CAMK1D: variants seen among roughly 807,000 people sequenced by gnomAD.
The protein encoded by CAMK1D is calcium/calmodulin dependent protein kinase ID.
Under a neutral mutation model 47.7 loss-of-function variants are expected in CAMK1D, and 9 were observed. That is an observed-to-expected ratio of 0.19 (90% CI 0.11 to 0.33). The LOEUF (loss-of-function observed/expected upper bound fraction) is 0.33. Ranked by LOEUF, CAMK1D falls within the 10% of genes least tolerant of loss-of-function variation. The pLI, the probability that CAMK1D is intolerant of heterozygous loss-of-function variation, is 1.00. For missense variants in CAMK1D, 291 were observed against 488.7 expected (o/e 0.60, Z 3.81); for synonymous variants, 184 against 184.9 (o/e 0.99, Z 0.04).
chr10:12,657,858 G>C (rs1018647641), intron 2 of CAMK1D, among the ~76,000 whole-genome samples: 2 of 152,128 alleles, frequency 1.3e-5, no homozygotes, highest in Non-Finnish European at 2.9e-5. Flanking sequence ...GGTGATCCAA[G>C]AACTGGGGTG....
chr10:12,363,464 A>G (rs1196020225), intron 1 of CAMK1D, among the ~76,000 whole-genome samples: 1 of 152,074 alleles, frequency 6.6e-6, no homozygotes, highest in African/African-American at 2.4e-5. Flanking sequence ...CACGTTGGCC[A>G]GGCTGGTCTC....
chr10:12,813,067 C>T (rs2131076068), intron 6 of CAMK1D, among the ~76,000 whole-genome samples: 1 of 152,262 alleles, frequency 6.6e-6, no homozygotes, highest in African/African-American at 2.4e-5. Flanking sequence ...TTTCCACTCC[C>T]ATTGTGTGTG....
intron 5 of CAMK1D, among the ~76,000 whole-genome samples, chr10:12,772,642 G>C (rs532832840): frequency 2.0e-5 from 3 of 152,218 alleles, no homozygotes; most frequent in African/African-American, 7.2e-5. Flanking sequence ...TGGCACTGAC[G>C]TGTCGGGAAT....
chr10:12,615,483 GGTGTGTGC>G (rs749577360), intron 2 of CAMK1D, among the ~76,000 whole-genome samples: 4 of 150,416 alleles, frequency 2.7e-5, no homozygotes, highest in Non-Finnish European at 4.4e-5. Flanking sequence ...CACGTGTGTA[GGTGTGTGC>G]ATGTGTACAT....
intron 3 of CAMK1D, among the ~76,000 whole-genome samples, chr10:12,689,543 G>A (rs892223005): frequency 1.3e-5 from 2 of 152,104 alleles, no homozygotes; most frequent in Admixed American, 1.3e-4. Flanking sequence ...TTGGGAGGCC[G>A]AGGCGGGCGG....
chr10:12,733,608 T>C (rs1834995368), intron 3 of CAMK1D, among the ~76,000 whole-genome samples: 1 of 152,212 alleles, frequency 6.6e-6, no homozygotes, highest in Non-Finnish European at 1.5e-5. Flanking sequence ...AGAAGAATTA[T>C]ATCACCAGGT....
chr10:12,408,148 G>A lies in CAMK1D; in HGVS notation c.92+58238G>A, dbSNP rs944741939. Among the ~76,000 whole-genome samples, 26 of 151,266 alleles carry A rather than the reference G, an allele frequency of 1.7e-4. 1 individual carries two copies. Among genetic ancestry groups the A allele is most frequent in the Admixed American group, 1.5e-3 (22 of 15,162 alleles). ...GCTGGGATTACAGGCATAAGCCACC[G>A]CGCCTGGCCTCTTTCATTTTCTTTT... On this transcript the variant is annotated intron_variant, in intron 1 of 10. Coordinates refer to ENST00000619168, the MANE Select transcript of CAMK1D (RefSeq NM_153498.4).
At chr10:12,632,546 T>C (rs746344142) in intron 2 of CAMK1D, among the ~76,000 whole-genome samples, 1 of 152,196 alleles carries the variant, frequency 6.6e-6, no homozygotes, top group Non-Finnish European at 1.5e-5. Flanking sequence ...TGTTTTCTCC[T>C]ATATATATTT....
chr10:12,644,693 G>A (rs1235072147), intron 2 of CAMK1D, among the ~76,000 whole-genome samples: 1 of 152,182 alleles, frequency 6.6e-6, no homozygotes, highest in Non-Finnish European at 1.5e-5. Context: ...GGGGCTTCTA[G>A]CCTTTTCTAC....
intron 2 of CAMK1D, among the ~76,000 whole-genome samples, chr10:12,599,215 A>G (rs1488678913): frequency 2.0e-5 from 3 of 152,258 alleles, no homozygotes; most frequent in Non-Finnish European, 4.4e-5. Flanking sequence ...GAGTTGTAAA[A>G]AATTATGGTG....
intron 3 of CAMK1D, among the ~76,000 whole-genome samples, chr10:12,757,502 C>A (rs963499623): frequency 1.3e-5 from 2 of 152,182 alleles, no homozygotes; most frequent in Non-Finnish European, 2.9e-5. Context: ...CCAACCTAAG[C>A]ATGGTCTGCA....
chr10:12,367,734 AG>A (rs1362745589), intron 1 of CAMK1D, among the ~76,000 whole-genome samples: 7 of 152,014 alleles, frequency 4.6e-5, no homozygotes, highest in African/African-American at 1.7e-4. Flanking sequence ...ACTGAACGGG[AG>A]GTGGAGCTCA....
intron 1 of CAMK1D, among the ~76,000 whole-genome samples, chr10:12,457,488 T>C (rs905995675): frequency 6.6e-6 from 1 of 151,818 alleles, no homozygotes; most frequent in African/African-American, 2.4e-5. Context: ...TGCTGCTCTT[T>C]GTATAAGAAA....
intron 1 of CAMK1D, among the ~76,000 whole-genome samples, chr10:12,420,840 G>A (rs182526972): frequency 4.7e-4 from 72 of 152,290 alleles, no homozygotes; most frequent in African/African-American, 1.7e-3. Context: ...CTGGGCTCAC[G>A]TTGGTATCTG....
chr10:12,611,341 C>T (rs554876302), intron 2 of CAMK1D, among the ~76,000 whole-genome samples: 6 of 152,140 alleles, frequency 3.9e-5, no homozygotes, highest in Non-Finnish European at 8.8e-5. Flanking sequence ...CCTCGAAGTG[C>T]CCCCTTCCGT....
At chr10:12,797,359 A>T (rs1303673736) in intron 6 of CAMK1D, among the ~76,000 whole-genome samples, 1 of 152,030 alleles carries the variant, frequency 6.6e-6, no homozygotes, top group East Asian at 1.9e-4. Context: ...CACTATGCCC[A>T]GCTAATTAAA....
At chr10:12,652,530 G>T (rs1387997719) in intron 2 of CAMK1D, among the ~76,000 whole-genome samples, 1 of 151,860 alleles carries the variant, frequency 6.6e-6, no homozygotes, top group East Asian at 1.9e-4. Flanking sequence ...GGAGCTTGCA[G>T]TGAGCAGAGA....
chr10:12,497,232 A>G (rs1834567004), intron 1 of CAMK1D, among the ~76,000 whole-genome samples: 2 of 152,180 alleles, frequency 1.3e-5, no homozygotes. Flanking sequence ...TAATCTCAGC[A>G]CTTTGGGAGG....
chr10:12,404,630 T>TA (rs1839347012), intron 1 of CAMK1D, among the ~76,000 whole-genome samples: 1 of 152,110 alleles, frequency 6.6e-6, no homozygotes, highest in Non-Finnish European at 1.5e-5. Context: ...GTTAGAATGA[T>TA]AGAGTTTTAG....
Sources: gnomAD v4.1 joint callset for allele counts (sites outside exome capture counted in the v4.1 genomes callset) on GRCh38, gnomAD v4.1.1 for gene constraint, MANE v1.5 for transcripts, NCBI Gene and HGNC (gene_info 2026-07-23, HGNC 2026-07-21) for gene names.